Variants in KCNIP4 observed in about 807,000 individuals in gnomAD.
KCNIP4 encodes potassium voltage-gated channel interacting protein 4.
In KCNIP4, 12 loss-of-function variants were observed where a neutral mutation model predicts 34.0. That is an observed-to-expected ratio of 0.35 (90% CI 0.23 to 0.57). The LOEUF (loss-of-function observed/expected upper bound fraction) is 0.57, where lower values mean the gene tolerates loss of function less well. KCNIP4 is among the 20% of genes least tolerant of loss of function. The pLI, the probability that KCNIP4 is intolerant of heterozygous loss-of-function variation, is 0.83. For missense variants in KCNIP4, 238 were observed against 311.7 expected (o/e 0.76, Z 1.78); for synonymous variants, 124 against 102.2 (o/e 1.21, Z -1.29).
intron 1 of KCNIP4, among the ~76,000 whole-genome samples, chr4:21,923,694 C>G (rs1464153132): frequency 1.3e-5 from 2 of 152,194 alleles, no homozygotes; most frequent in Non-Finnish European, 2.9e-5. Context: ...CCTCCAGCCA[C>G]TCTAGCCCAC....
At chr4:20,999,131 T>C (rs1207138876) in intron 1 of KCNIP4, among the ~76,000 whole-genome samples, 1 of 152,218 alleles carries the variant, frequency 6.6e-6, no homozygotes, top group African/African-American at 2.4e-5. Flanking sequence ...TGAACAGAGC[T>C]CTTAAGTATG....
At chr4:21,033,714 CTA>C (rs1316794825) in intron 1 of KCNIP4, among the ~76,000 whole-genome samples, 1 of 152,184 alleles carries the variant, frequency 6.6e-6, no homozygotes, top group East Asian at 1.9e-4. Flanking sequence ...TAGACACTCT[CTA>C]TATAAAGTCT....
At chr4:21,635,535 A>G (rs1746081516) in intron 1 of KCNIP4, among the ~76,000 whole-genome samples, 1 of 152,170 alleles carries the variant, frequency 6.6e-6, no homozygotes, top group Admixed American at 6.5e-5. Flanking sequence ...AACACATGAA[A>G]AAATGCTCAT....
intron 1 of KCNIP4, among the ~76,000 whole-genome samples, chr4:21,424,331 G>A (rs1317561338): frequency 6.6e-6 from 1 of 151,498 alleles, no homozygotes; most frequent in Non-Finnish European, 1.5e-5. Context: ...CCTGCAATTT[G>A]GGAGGCCAAG....
chr4:20,864,244 A>G lies in KCNIP4; in HGVS notation c.164-13577T>C, dbSNP rs77730800. Among the ~76,000 whole-genome samples the G allele has an allele frequency of 7.3e-5, 7 of 96,156 alleles. No homozygotes were observed. In the East Asian group the frequency reaches 9.4e-4, roughly 13 times the overall value. 63.1% of individuals were successfully genotyped at this position (96,156 alleles called of 152,430 possible). On this transcript the variant is annotated intron_variant, in intron 2 of 8. Coordinates refer to ENST00000382152, the MANE Select transcript of KCNIP4 (RefSeq NM_025221.6). ...TATGCATATATATGTACACATATGT[A>G]TGTATATATGCACACATATGTATGT...
intron 1 of KCNIP4, among the ~76,000 whole-genome samples, chr4:21,618,520 T>C (rs919682243): frequency 6.6e-6 from 1 of 152,016 alleles, no homozygotes; most frequent in Non-Finnish European, 1.5e-5. Flanking sequence ...TCTTTCCTCT[T>C]GGTTTTTGCA....
At chr4:20,775,451 A>C (rs1756291413) in intron 3 of KCNIP4, among the ~76,000 whole-genome samples, 1 of 151,740 alleles carries the variant, frequency 6.6e-6, no homozygotes, top group Admixed American at 6.6e-5. Context: ...CTGTAATCCC[A>C]GCACTTTGGA....
At chr4:21,148,792 T>C (rs1001426147) in intron 1 of KCNIP4, among the ~76,000 whole-genome samples, 1 of 152,120 alleles carries the variant, frequency 6.6e-6, no homozygotes, top group Non-Finnish European at 1.5e-5. Context: ...CACAATTCAA[T>C]TTGCCAAATC....
intron 1 of KCNIP4, among the ~76,000 whole-genome samples, chr4:21,157,367 T>C (rs62293856): frequency 2.4e-4 from 36 of 152,184 alleles, no homozygotes; most frequent in Non-Finnish European, 4.4e-4. Flanking sequence ...TTTCTAACAG[T>C]TCATAATAAA....
At chr4:20,843,432 T>C (rs1278162777) in intron 3 of KCNIP4, among the ~76,000 whole-genome samples, 1 of 152,126 alleles carries the variant, frequency 6.6e-6, no homozygotes, top group Non-Finnish European at 1.5e-5. Flanking sequence ...TTTTATGAGT[T>C]TAAAATTTGA....
chr4:21,298,711 A>G (rs1281265846), intron 1 of KCNIP4, among the ~76,000 whole-genome samples: 1 of 152,162 alleles, frequency 6.6e-6, no homozygotes, highest in Non-Finnish European at 1.5e-5. Flanking sequence ...TCATGTTACA[A>G]GAGTTTGTTT....
At chr4:21,010,155 GA>G (rs1480876723) in intron 1 of KCNIP4, among the ~76,000 whole-genome samples, 1 of 152,168 alleles carries the variant, frequency 6.6e-6, no homozygotes, top group East Asian at 1.9e-4. Flanking sequence ...GGATGTCTCT[GA>G]AAGCTGTAGG....
At chr4:21,764,012 T>G (rs537368850) in intron 1 of KCNIP4, among the ~76,000 whole-genome samples, 1 of 152,260 alleles carries the variant, frequency 6.6e-6, no homozygotes, top group South Asian at 2.1e-4. Flanking sequence ...TCATTTGGTC[T>G]AAATGTGATT....
chr4:21,893,876 C>T (rs2109406681), intron 1 of KCNIP4, among the ~76,000 whole-genome samples: 1 of 152,274 alleles, frequency 6.6e-6, no homozygotes, highest in South Asian at 2.1e-4. Flanking sequence ...TTCAGTGCTG[C>T]TGTGTGCATA....
At chr4:21,278,470 A>G (rs549451813) in intron 1 of KCNIP4, among the ~76,000 whole-genome samples, 9 of 152,130 alleles carry the variant, frequency 5.9e-5, no homozygotes, top group Non-Finnish European at 1.3e-4. Flanking sequence ...CTGAATTAGT[A>G]TGCTAAGGAT....
intron 1 of KCNIP4, among the ~76,000 whole-genome samples, chr4:20,961,410 T>A (rs1203135292): frequency 2.0e-5 from 3 of 152,146 alleles, no homozygotes; most frequent in African/African-American, 7.2e-5. Context: ...AAGAATCTTA[T>A]GGTTTTGAGA....
At position 21,088,764 on chromosome 4, in the gene KCNIP4, G is replaced by A. The variant is rs78906018; in HGVS notation, c.62-206055C>T. Among the ~76,000 whole-genome samples, 775 of 152,180 alleles carry A rather than the reference G, an allele frequency of 5.1e-3. 2 individuals carry two copies. Among genetic ancestry groups the A allele is most frequent in the Non-Finnish European group, 8.7e-3 (594 of 68,026 alleles). On this transcript the variant is annotated intron_variant, in intron 1 of 8. Coordinates refer to ENST00000382152, the MANE Select transcript of KCNIP4 (RefSeq NM_025221.6). The stretch of plus-strand genomic sequence containing the variant: ...TGTTTTGCCTTCTCTCCCTAGACAA[G>A]ATCAGACACATCTTTTTCCCCCCGC...
intron 1 of KCNIP4, among the ~76,000 whole-genome samples, chr4:21,276,664 C>T (rs1442571974): frequency 6.6e-6 from 1 of 152,016 alleles, no homozygotes; most frequent in Admixed American, 6.6e-5. Flanking sequence ...TATTCAATAC[C>T]CATCCTCCCT....
chr4:21,657,883 A>T (rs946682697), intron 1 of KCNIP4, among the ~76,000 whole-genome samples: 1 of 150,662 alleles, frequency 6.6e-6, no homozygotes, highest in Non-Finnish European at 1.5e-5. Flanking sequence ...CTTTGTCGCC[A>T]GGCTGCAGTG....
Sources: allele counts gnomAD v4.1 joint callset (sites outside exome capture counted in the v4.1 genomes callset), GRCh38; gene constraint gnomAD v4.1.1; transcripts MANE v1.5; gene names NCBI Gene and HGNC (gene_info 2026-07-23, HGNC 2026-07-21).